The following HIBADH variants were observed in gnomAD, a reference collection of about 807,000 sequenced individuals.
The protein encoded by HIBADH is 3-hydroxyisobutyrate dehydrogenase, mitochondrial.
In HIBADH, 25 loss-of-function variants were observed where a neutral mutation model predicts 36.1. That is an observed-to-expected ratio of 0.69 (90% confidence interval 0.50 to 0.97). The LOEUF is 0.97. HIBADH is among the 50% of genes least tolerant of loss of function. The pLI, the probability that HIBADH is intolerant of heterozygous loss-of-function variation, is 0.00. For missense variants in HIBADH, 421 were observed against 418.0 expected, an observed-to-expected ratio of 1.01 and a Z score of -0.06; for synonymous variants, 160 against 149.5, an observed-to-expected ratio of 1.07 and a Z score of -0.51.
intron 4 of HIBADH, among the ~76,000 whole-genome samples, chr7:27,573,011 G>C (rs1025268872): frequency 1.1e-4 from 17 of 152,152 alleles, no homozygotes; most frequent in African/African-American, 4.1e-4. Context: ...GGCCATGAAA[G>C]ATGATTAAGA....
At chr7:27,578,235 T>A (rs1321915062) in intron 4 of HIBADH, among the ~76,000 whole-genome samples, 1 of 152,224 alleles carries the variant, frequency 6.6e-6, no homozygotes, top group Non-Finnish European at 1.5e-5. Flanking sequence ...ATAAGTTCAA[T>A]ATGTCAATGA....
intron 2 of HIBADH, among the ~76,000 whole-genome samples, chr7:27,632,951 AG>A (rs919793822): frequency 3.9e-5 from 6 of 152,156 alleles, no homozygotes; most frequent in Non-Finnish European, 7.3e-5. Context: ...AAAAGAAGAA[AG>A]TATCTGTTTC....
At chr7:27,589,705 C>A (rs1274837406) in intron 4 of HIBADH, among the ~76,000 whole-genome samples, 1 of 152,124 alleles carries the variant, frequency 6.6e-6, no homozygotes, top group African/African-American at 2.4e-5. Flanking sequence ...GTAAGACAAT[C>A]AGTAAAAAGG....
At chr7:27,583,000 C>G (rs768164646) in intron 4 of HIBADH, among the ~76,000 whole-genome samples, 9 of 151,996 alleles carry the variant, frequency 5.9e-5, no homozygotes, top group Non-Finnish European at 1.2e-4. Context: ...TACAAAATAC[C>G]TGGCCTAGTA....
At chr7:27,637,759 T>C (rs1460558203) in intron 2 of HIBADH, among the ~76,000 whole-genome samples, 2 of 151,936 alleles carry the variant, frequency 1.3e-5, no homozygotes, top group African/African-American at 2.4e-5. Flanking sequence ...ACAAAATCAA[T>C]GCGCAAAAAT....
chr7:27,596,202 T>G (rs1583587960), intron 4 of HIBADH, among the ~76,000 whole-genome samples: 1 of 152,272 alleles, frequency 6.6e-6, no homozygotes, highest in Non-Finnish European at 1.5e-5. Flanking sequence ...GAATGCTGTG[T>G]CCTCTGGAGG....
intron 4 of HIBADH, among the ~76,000 whole-genome samples, chr7:27,593,790 CTAG>C (rs1421516246): frequency 1.3e-5 from 2 of 151,858 alleles, no homozygotes; most frequent in Non-Finnish European, 2.9e-5. Flanking sequence ...AACTGAAAAA[CTAG>C]TAGAATAAGA....
chr7:27,610,112 C>G (rs1048745517), intron 4 of HIBADH, among the ~76,000 whole-genome samples: 1 of 152,104 alleles, frequency 6.6e-6, no homozygotes, highest in Non-Finnish European at 1.5e-5. Context: ...AGCCATCACG[C>G]CTGGCCAAAA....
chr7:27,613,112 A>G (rs1043208976), intron 4 of HIBADH, among the ~76,000 whole-genome samples: 5 of 128,588 alleles, frequency 3.9e-5, no homozygotes, highest in African/African-American at 1.2e-4. Flanking sequence ...ATATATATTC[A>G]TATAAATATA....
intron 6 of HIBADH, among the ~76,000 whole-genome samples, chr7:27,536,684 T>C (rs771388309): frequency 1.3e-5 from 2 of 152,154 alleles, no homozygotes; most frequent in African/African-American, 4.8e-5. Flanking sequence ...CACAAGCACT[T>C]AGCCTATACA....
At position 27,629,357 on chromosome 7, in the gene HIBADH, T is replaced by C. The variant is rs967070861; in HGVS notation, c.484+14A>G. ...AACATAAATAGGTTTGCATATATTT[T>C]AGCTACCACTTACCACCAGAAACAG... On this transcript the variant is annotated intron_variant, in intron 4 of 7. Coordinates refer to ENST00000265395, the MANE Select transcript of HIBADH (RefSeq NM_152740.4). 2 of 1,607,918 alleles carry C rather than the reference T, an allele frequency of 1.2e-6. No individual in the cohort carries two copies. The highest frequency in any genetic ancestry group is 1.3e-5 in the African/African-American group (1 of 74,842).
chr7:27,645,409 A>AT (rs1206764885), intron 2 of HIBADH, among the ~76,000 whole-genome samples: 2 of 83,260 alleles, frequency 2.4e-5, no homozygotes, highest in Non-Finnish European at 4.1e-5. Flanking sequence ...ACAGAGTCTT[A>AT]CTCTGTCGCC....
At chr7:27,546,865 G>A (rs562946681) in intron 4 of HIBADH, among the ~76,000 whole-genome samples, 2 of 152,100 alleles carry the variant, frequency 1.3e-5, no homozygotes, top group African/African-American at 2.4e-5. Context: ...CTACTACCAC[G>A]GTCTGAGCTA....
At chr7:27,571,843 G>C (rs1321911815) in intron 4 of HIBADH, among the ~76,000 whole-genome samples, 1 of 152,192 alleles carries the variant, frequency 6.6e-6, no homozygotes, top group African/African-American at 2.4e-5. Context: ...CCAATTGGAT[G>C]AGTAATTTAA....
At chr7:27,657,434 G>A (rs551024934) in intron 1 of HIBADH, among the ~76,000 whole-genome samples, 7 of 152,230 alleles carry the variant, frequency 4.6e-5, no homozygotes, top group South Asian at 4.1e-4. Flanking sequence ...GTTAGAACAA[G>A]AATCACAGAG....
intron 4 of HIBADH, among the ~76,000 whole-genome samples, chr7:27,570,499 T>C (rs1784612990): frequency 6.6e-6 from 1 of 152,238 alleles, no homozygotes; most frequent in East Asian, 1.9e-4. Context: ...AACTATGGTA[T>C]CAGAAAGCAA....
chr7:27,620,278 C>T (rs138015249), intron 4 of HIBADH, among the ~76,000 whole-genome samples: 17 of 152,186 alleles, frequency 1.1e-4, no homozygotes, highest in African/African-American at 3.1e-4. Context: ...TTTGATCACA[C>T]CACTGCACTC....
intron 4 of HIBADH, among the ~76,000 whole-genome samples, chr7:27,585,740 T>C (rs1047226267): frequency 6.6e-6 from 1 of 152,140 alleles, no homozygotes; most frequent in Non-Finnish European, 1.5e-5. Flanking sequence ...GTCCTAAAAG[T>C]GAGTGAGTTT....
In HIBADH at chr7:27,525,903, A is replaced by G. The variant is rs539481205; in HGVS notation, c.*311T>C. 198 of 169,236 alleles carry G rather than the reference A, an allele frequency of 1.2e-3. 1 individual carries two copies. Among genetic ancestry groups the G allele is most frequent in the Non-Finnish European group, 2.8e-4 (22 of 79,564 alleles). 10.5% of individuals were successfully genotyped at this position (169,236 alleles called of 1,614,324 possible). A position where few individuals can be genotyped will look rare whatever the true frequency, so the allele number is the denominator to read the frequency against. On this transcript the variant is annotated 3_prime_UTR_variant, in exon 8 of 8. Coordinates refer to ENST00000265395, the MANE Select transcript of HIBADH (RefSeq NM_152740.4). ...AAAGATTTGGTTTTATTTGTAAAGT[A>G]AAGCAGATAATATCCTGATTGAAGT...
Sources: gnomAD v4.1 joint callset for allele counts (sites outside exome capture counted in the v4.1 genomes callset) on GRCh38, gnomAD v4.1.1 for gene constraint, MANE v1.5 for transcripts, NCBI Gene and HGNC (gene_info 2026-07-23, HGNC 2026-07-21) for gene names.